C10orf90: variants seen among roughly 807,000 people sequenced by gnomAD.
The protein encoded by C10orf90 is (E2-independent) E3 ubiquitin-conjugating enzyme FATS.
In C10orf90, 56 loss-of-function variants were observed where a neutral mutation model predicts 62.5. The observed-to-expected ratio is 0.90, with a 90% CI of 0.72 to 1.12. The LOEUF is 1.12. Among genes scored for constraint, C10orf90 ranks in the 50% most tolerant of loss-of-function variants. The probability of loss-of-function intolerance (pLI) is 0.00; values close to 1 mark genes in which losing one functional copy is unlikely to be tolerated. For synonymous variants in C10orf90, 386 were observed against 340.4 expected, an observed-to-expected ratio of 1.13 and a Z score of -1.47; for missense variants, 970 against 880.4, an observed-to-expected ratio of 1.10 and a Z score of -1.29.
At chr10:126,586,674 C>T (rs140050837) in intron 2 of C10orf90, among the ~76,000 whole-genome samples, 2 of 152,220 alleles carry the variant, frequency 1.3e-5, no homozygotes, top group East Asian at 1.9e-4. Flanking sequence ...AAAGAAGTGC[C>T]GGACTTGGAG....
At chr10:126,621,381 A>G (rs1171113153) in intron 2 of C10orf90, among the ~76,000 whole-genome samples, 1 of 152,206 alleles carries the variant, frequency 6.6e-6, no homozygotes, top group Non-Finnish European at 1.5e-5. Flanking sequence ...TATGACACTT[A>G]ATGGCAAAAA....
At chr10:126,507,395 A>G (rs1480569484) in intron 3 of C10orf90, among the ~76,000 whole-genome samples, 1 of 151,470 alleles carries the variant, frequency 6.6e-6, no homozygotes, top group East Asian at 1.9e-4. Context: ...GGAATTGTAC[A>G]TTCAAATACC....
intron 2 of C10orf90, among the ~76,000 whole-genome samples, chr10:126,591,135 C>T (rs1262150567): frequency 6.6e-6 from 1 of 152,122 alleles, no homozygotes; most frequent in African/African-American, 2.4e-5. Context: ...GAGCCGGTAC[C>T]ACTTCTACTG....
intron 4 of C10orf90, among the ~76,000 whole-genome samples, chr10:126,493,602 C>A (rs1861879400): frequency 1.3e-5 from 2 of 152,098 alleles, no homozygotes; most frequent in Non-Finnish European, 2.9e-5. Context: ...GGTGATCGCC[C>A]ACCTCGGCCT....
At chr10:126,538,189 AG>A (rs1475252633) in intron 2 of C10orf90, among the ~76,000 whole-genome samples, 2 of 152,214 alleles carry the variant, frequency 1.3e-5, no homozygotes, top group African/African-American at 2.4e-5. Flanking sequence ...GAGTGTGTTC[AG>A]GGGAACTCCC....
chr10:126,564,501 G>C (rs570119340), intron 2 of C10orf90, among the ~76,000 whole-genome samples: 2 of 151,768 alleles, frequency 1.3e-5, no homozygotes, highest in East Asian at 3.9e-4. Flanking sequence ...TGTAGCCCGA[G>C]TCCCTGGAGT....
chr10:126,442,478 C>CATAGATATATATATAT, intron 7 of C10orf90, among the ~76,000 whole-genome samples: 1 of 33,806 alleles, frequency 3.0e-5, no homozygotes, highest in Admixed American at 3.8e-4. Flanking sequence ...TTCAATATTT[C>CATAGATATATATATAT]ATATATATAT....
At chr10:126,480,882 T>C (rs528186481) in intron 4 of C10orf90, among the ~76,000 whole-genome samples, 3 of 152,258 alleles carry the variant, frequency 2.0e-5, no homozygotes, top group African/African-American at 4.8e-5. Context: ...GTAGGTCAGG[T>C]TATGGTAATG....
At chr10:126,501,768 A>C (rs1279658805) in intron 4 of C10orf90, among the ~76,000 whole-genome samples, 1 of 152,162 alleles carries the variant, frequency 6.6e-6, no homozygotes, top group Non-Finnish European at 1.5e-5. Context: ...TTTTGCAGCA[A>C]CTTGGTTGAA....
chr10:126,437,251 C>G (rs972480541), intron 7 of C10orf90, among the ~76,000 whole-genome samples: 2 of 152,188 alleles, frequency 1.3e-5, no homozygotes, highest in Admixed American at 6.5e-5. Context: ...GGTTGTGGTT[C>G]TCAAAGGAGG....
At chr10:126,594,744 C>T (rs565948992) in intron 2 of C10orf90, among the ~76,000 whole-genome samples, 10 of 151,972 alleles carry the variant, frequency 6.6e-5, no homozygotes, top group Non-Finnish European at 1.3e-4. Context: ...GCATTCCAGG[C>T]AAAGGGATCA....
chr10:126,598,006 C>T lies in C10orf90; in HGVS notation c.313+48559G>A, dbSNP rs149932619. Among the ~76,000 whole-genome samples the T allele has an allele frequency of 5.7e-3, 871 of 152,338 alleles. 41 individuals are homozygous for T. The highest frequency in any genetic ancestry group is 0.046 in the Admixed American group (697 of 15,310). On this transcript the variant is annotated intron_variant, in intron 2 of 9. Coordinates refer to ENST00000488181, the MANE Select transcript of C10orf90 (RefSeq NM_001350921.2). ...AGCCCATGTTTTTCCACCCTCCCCA[C>T]AAGGATATCATAAGACCTGGCCAAA...
At chr10:126,502,215 C>T (rs1351174240) in intron 4 of C10orf90, among the ~76,000 whole-genome samples, 1 of 152,114 alleles carries the variant, frequency 6.6e-6, no homozygotes, top group Non-Finnish European at 1.5e-5. Context: ...AAAATTCATC[C>T]ATGTAACCAA....
chr10:126,590,669 C>G (rs555260835), intron 2 of C10orf90, among the ~76,000 whole-genome samples: 11 of 152,114 alleles, frequency 7.2e-5, no homozygotes, highest in African/African-American at 2.6e-4. Flanking sequence ...ACCAGAATCT[C>G]GGACACAGCA....
chr10:126,479,652 G>C (rs1315674617), intron 4 of C10orf90, among the ~76,000 whole-genome samples: 2 of 152,194 alleles, frequency 1.3e-5, no homozygotes, highest in Non-Finnish European at 2.9e-5. Context: ...TATACACATG[G>C]GGGTTATTCT....
chr10:126,488,200 A>G (rs1016494268), intron 4 of C10orf90, among the ~76,000 whole-genome samples: 2 of 152,170 alleles, frequency 1.3e-5, no homozygotes, highest in Non-Finnish European at 2.9e-5. Flanking sequence ...TTTTCTACAA[A>G]TGTATGATAA....
chr10:126,567,700 A>G (rs1844422041), intron 2 of C10orf90, among the ~76,000 whole-genome samples: 1 of 152,136 alleles, frequency 6.6e-6, no homozygotes, highest in Non-Finnish European at 1.5e-5. Flanking sequence ...GCTGCTAGGA[A>G]GCCAAGCAAG....
chr10:126,463,567 AC>A (rs1400565780), intron 5 of C10orf90, among the ~76,000 whole-genome samples: 4 of 151,776 alleles, frequency 2.6e-5, no homozygotes. Flanking sequence ...CCCTGGCCCC[AC>A]CCTCTGCAGG....
At chr10:126,656,645 G>A (rs543219598) in intron 1 of C10orf90, among the ~76,000 whole-genome samples, 7 of 152,302 alleles carry the variant, frequency 4.6e-5, no homozygotes, top group East Asian at 1.9e-4. Context: ...AACAGGCAAC[G>A]CTATAGCTTT....
Sources: allele counts gnomAD v4.1 joint callset (sites outside exome capture counted in the v4.1 genomes callset), GRCh38; gene constraint gnomAD v4.1.1; transcripts MANE v1.5; gene names NCBI Gene and HGNC (gene_info 2026-07-23, HGNC 2026-07-21).